Variants in CSGALNACT1 observed in about 807,000 individuals in gnomAD.
CSGALNACT1 encodes chondroitin sulfate N-acetylgalactosaminyltransferase 1.
Under a neutral mutation model 51.0 loss-of-function variants are expected in CSGALNACT1, and 52 were observed. The ratio of observed to expected loss-of-function variants is 1.02; its 90% CI spans 0.82 to 1.29. The LOEUF is 1.29. Ranked by LOEUF, CSGALNACT1 falls within the 50% of genes most tolerant of loss-of-function variation. CSGALNACT1 has a pLI of 0.00. For missense variants in CSGALNACT1, 935 were observed against 679.2 expected (o/e 1.38, Z -4.19); for synonymous variants, 341 against 254.4 (o/e 1.34, Z -3.24).
chr8:19,557,721 C>G (rs1024388673), intron 3 of CSGALNACT1, among the ~76,000 whole-genome samples: 4 of 152,266 alleles, frequency 2.6e-5, no homozygotes, highest in South Asian at 2.1e-4. Context: ...GTTTCCTTTC[C>G]TTGCTTTATT....
intron 1 of CSGALNACT1, among the ~76,000 whole-genome samples, chr8:19,631,506 G>T (rs1461592159): frequency 6.6e-6 from 1 of 152,176 alleles, no homozygotes; most frequent in African/African-American, 2.4e-5. Flanking sequence ...GCCTGCAATT[G>T]TCATTTTCAG....
chr8:19,439,344 A>G (rs1201387179), intron 6 of CSGALNACT1, among the ~76,000 whole-genome samples: 2 of 152,216 alleles, frequency 1.3e-5, no homozygotes, highest in African/African-American at 4.8e-5. Flanking sequence ...TTTCCCCTGA[A>G]TGTCTTAAAA....
chr8:19,592,991 A>G (rs1244444276), intron 2 of CSGALNACT1, among the ~76,000 whole-genome samples: 1 of 152,228 alleles, frequency 6.6e-6, no homozygotes, highest in African/African-American at 2.4e-5. Context: ...GACTTACAAT[A>G]GGCTTATCCA....
upstream of CSGALNACT1, among the ~76,000 whole-genome samples, chr8:19,605,647 C>T (rs1455777204): frequency 2.0e-5 from 3 of 152,026 alleles, no homozygotes; most frequent in African/African-American, 4.8e-5. Flanking sequence ...TGCGTGAGAG[C>T]GGCTGAGAAA....
At chr8:19,537,441 T>C (rs2084018666) in intron 3 of CSGALNACT1, among the ~76,000 whole-genome samples, 1 of 152,184 alleles carries the variant, frequency 6.6e-6, no homozygotes, top group Admixed American at 6.5e-5. Flanking sequence ...GAGGCATAAA[T>C]CTCAATTGCT....
At chr8:19,481,105 C>T (rs992872171) in intron 4 of CSGALNACT1, among the ~76,000 whole-genome samples, 1 of 152,188 alleles carries the variant, frequency 6.6e-6, no homozygotes, top group Admixed American at 6.5e-5. Flanking sequence ...ATTAATCAGG[C>T]ATTAGCTTTA....
rs111323843 is a variant in CSGALNACT1 at position 19,536,814 on chromosome 8, T to C, written c.-296-30684A>G. Among the ~76,000 whole-genome samples, 530 of 152,248 alleles carry C rather than the reference T, an allele frequency of 3.5e-3. 4 individuals carry two copies. Among genetic ancestry groups the C allele is most frequent in the African/African-American group, 0.012 (511 of 41,546 alleles). On this transcript the variant is annotated intron_variant, in intron 3 of 9. Coordinates refer to ENST00000454498, the Ensembl canonical transcript of CSGALNACT1. ...AGAAGTAGTGGCAGAGAGATAGATA[T>C]ACAGAACAACAAAGTAGAATAGAGA...
intron 3 of CSGALNACT1, among the ~76,000 whole-genome samples, chr8:19,527,536 C>A (rs796305030): frequency 6.6e-6 from 1 of 152,078 alleles, no homozygotes; most frequent in African/African-American, 2.4e-5. Flanking sequence ...CTTGAACCTG[C>A]GAGGCAGAGG....
chr8:19,493,479 C>T (rs918095282), intron 4 of CSGALNACT1, among the ~76,000 whole-genome samples: 1 of 152,180 alleles, frequency 6.6e-6, no homozygotes, highest in Non-Finnish European at 1.5e-5. Context: ...TTCACAGTCA[C>T]TCCCCATCTC....
chr8:19,512,262 G>C (rs1397702970), intron 3 of CSGALNACT1, among the ~76,000 whole-genome samples: 1 of 152,186 alleles, frequency 6.6e-6, no homozygotes, highest in African/African-American at 2.4e-5. Flanking sequence ...AAGGAACAGA[G>C]GCAGGCCTGC....
intron 1 of CSGALNACT1, among the ~76,000 whole-genome samples, chr8:19,633,866 A>C (rs1398930923): frequency 1.3e-5 from 2 of 152,100 alleles, no homozygotes; most frequent in Admixed American, 6.5e-5. Context: ...GTGGCATGCC[A>C]AACTGGTGGC....
intron 1 of CSGALNACT1, among the ~76,000 whole-genome samples, chr8:19,657,423 T>C (rs4628268): frequency 0.43 from 65,695 of 151,896 alleles, 14,684 homozygotes; most frequent in Middle Eastern, 0.55. Context: ...TTTTCTAGAA[T>C]TGACAAAAAA....
intron 3 of CSGALNACT1, among the ~76,000 whole-genome samples, chr8:19,552,464 C>A (rs554863335): frequency 2.0e-5 from 3 of 152,066 alleles, no homozygotes; most frequent in Non-Finnish European, 4.4e-5. Flanking sequence ...GACCTGCATG[C>A]AGAAAATTAT....
chr8:19,516,888 G>A (rs1431437111), intron 3 of CSGALNACT1, among the ~76,000 whole-genome samples: 1 of 152,200 alleles, frequency 6.6e-6, no homozygotes, highest in African/African-American at 2.4e-5. Flanking sequence ...TGGTTCAAGT[G>A]CTGCCTTTGC....
At chr8:19,646,096 T>A (rs1408528102) in intron 1 of CSGALNACT1, among the ~76,000 whole-genome samples, 2 of 152,070 alleles carry the variant, frequency 1.3e-5, no homozygotes, top group African/African-American at 4.8e-5. Context: ...TTAAAAGAGA[T>A]GTTGAACACA....
At chr8:19,513,226 G>T (rs2078782595) in intron 3 of CSGALNACT1, among the ~76,000 whole-genome samples, 1 of 151,824 alleles carries the variant, frequency 6.6e-6, no homozygotes, top group East Asian at 1.9e-4. Context: ...AGAGGTGGGT[G>T]GTAGCACCCA....
At chr8:19,444,278 T>C (rs2061770421) in intron 5 of CSGALNACT1, among the ~76,000 whole-genome samples, 1 of 152,220 alleles carries the variant, frequency 6.6e-6, no homozygotes, top group Non-Finnish European at 1.5e-5. Flanking sequence ...ATGTAAAGTG[T>C]TTTTGTTCTG....
chr8:19,624,668 A>G (rs1224770510), intron 1 of CSGALNACT1, among the ~76,000 whole-genome samples: 1 of 147,738 alleles, frequency 6.8e-6, no homozygotes, highest in African/African-American at 2.5e-5. Context: ...TACTTTTACC[A>G]TCTTCTTGTT....
Position 19,757,116 on chromosome 8 carries a change from T to A in CSGALNACT1, c.-297+734A>T, listed in dbSNP as rs2065448548. 6.7e-6 allele frequency: 1 copy of A among 149,692 alleles called. No individual in the cohort carries two copies. The highest frequency in any genetic ancestry group is 1.5e-5 in the Non-Finnish European group (1 of 67,144). The allele number at this position is 149,692 out of a possible 1,614,324, so 9.3% of individuals were successfully genotyped here. A position where few individuals can be genotyped will look rare whatever the true frequency, so the allele number is the denominator to read the frequency against. ...AGCTAGGCGCGCGGGGCTGTGGGGA[T>A]CTGCCGGCGCCACTGACGCCCCCGC... On this transcript the variant is annotated intron_variant, in intron 1 of 1. Coordinates refer to the CSGALNACT1 transcript ENST00000517494. This position sits in a 1 kb window ranked among gnomAD's most constrained non-coding sequence, Gnocchi z 4.0.
Sources: allele counts gnomAD v4.1 joint callset (sites outside exome capture counted in the v4.1 genomes callset), GRCh38; gene constraint gnomAD v4.1.1; non-coding constraint Gnocchi (gnomAD v3.1); transcripts MANE v1.5; gene names NCBI Gene and HGNC (gene_info 2026-07-23, HGNC 2026-07-21).